The following SORCS3 variants were observed in gnomAD, a reference collection of about 807,000 sequenced individuals.
SORCS3 encodes the protein VPS10 domain-containing receptor SorCS3.
SORCS3 carries 57 observed loss-of-function variants against 146.3 expected under a neutral mutation model. That is an observed-to-expected ratio of 0.39 (90% CI 0.31 to 0.49). The LOEUF is 0.49. SORCS3 is among the 20% of genes least tolerant of loss of function. SORCS3 has a pLI of 0.92. For synonymous variants in SORCS3, 653 were observed against 618.5 expected, an observed-to-expected ratio of 1.06 and a Z score of -0.83; for missense variants, 1,341 against 1,575.5, an observed-to-expected ratio of 0.85 and a Z score of 2.52.
At chr10:105,174,861 G>A (rs543615037) in intron 13 of SORCS3, among the ~76,000 whole-genome samples, 3 of 152,198 alleles carry the variant, frequency 2.0e-5, no homozygotes, top group Non-Finnish European at 2.9e-5. Context: ...CTTGGAGGTC[G>A]TATCTCAATA....
At chr10:105,209,393 T>C (rs1013426721) in intron 16 of SORCS3, among the ~76,000 whole-genome samples, 6 of 152,188 alleles carry the variant, frequency 3.9e-5, no homozygotes, top group Non-Finnish European at 8.8e-5. Context: ...TCCACCCGTC[T>C]CGGCCTCCCA....
intron 1 of SORCS3, among the ~76,000 whole-genome samples, chr10:104,653,240 G>A (rs972554560): frequency 2.0e-4 from 31 of 152,122 alleles, no homozygotes; most frequent in Non-Finnish European, 4.0e-4. Flanking sequence ...CTGTTTTACC[G>A]TGTGTTTCTA....
intron 1 of SORCS3, among the ~76,000 whole-genome samples, chr10:104,816,763 G>A (rs2017802312): frequency 6.6e-6 from 1 of 152,188 alleles, no homozygotes; most frequent in African/African-American, 2.4e-5. Context: ...GCCTCTTTGA[G>A]CCTGAGCTTC....
chr10:104,927,135 G>A (rs1214739834), intron 3 of SORCS3, among the ~76,000 whole-genome samples: 1 of 152,148 alleles, frequency 6.6e-6, no homozygotes, highest in Non-Finnish European at 1.5e-5. Flanking sequence ...GCATCTAGGT[G>A]TGTATAAAAC....
intron 1 of SORCS3, among the ~76,000 whole-genome samples, chr10:104,757,187 C>T (rs979911137): frequency 1.3e-5 from 2 of 151,140 alleles, no homozygotes; most frequent in African/African-American, 4.9e-5. Flanking sequence ...CATCATGTGG[C>T]AGCACAACCC....
chr10:104,973,716 G>A (rs964993149), intron 3 of SORCS3, among the ~76,000 whole-genome samples: 4 of 149,756 alleles, frequency 2.7e-5, no homozygotes, highest in African/African-American at 5.1e-5. Context: ...TCTGATTTTA[G>A]TTATTTCTTG....
chr10:105,215,229 T>C (rs2056658063), intron 18 of SORCS3, among the ~76,000 whole-genome samples: 1 of 152,242 alleles, frequency 6.6e-6, no homozygotes, highest in Non-Finnish European at 1.5e-5. Context: ...AGTATGGGAA[T>C]ATCTCTGTTG....
At chr10:104,885,849 A>C (rs1375069477) in intron 2 of SORCS3, among the ~76,000 whole-genome samples, 1 of 152,230 alleles carries the variant, frequency 6.6e-6, no homozygotes, top group Non-Finnish European at 1.5e-5. Context: ...GAAGCTGAAT[A>C]GTTGAAACAG....
At chr10:104,917,743 G>T (rs1589548775) in intron 3 of SORCS3, among the ~76,000 whole-genome samples, 1 of 152,118 alleles carries the variant, frequency 6.6e-6, no homozygotes, top group African/African-American at 2.4e-5. Context: ...AATGGTATTT[G>T]TCTGTCTGTG....
At chr10:104,853,744 A>G (rs1437255233) in intron 2 of SORCS3, among the ~76,000 whole-genome samples, 1 of 152,242 alleles carries the variant, frequency 6.6e-6, no homozygotes, top group Non-Finnish European at 1.5e-5. Context: ...AGGGCGGCAC[A>G]TGGTTCTGGG....
At chr10:105,216,547 TA>T (rs951457519) in intron 18 of SORCS3, among the ~76,000 whole-genome samples, 6 of 151,972 alleles carry the variant, frequency 3.9e-5, no homozygotes, top group African/African-American at 1.2e-4. Flanking sequence ...TTGGCACTAA[TA>T]AAAAAAACCT....
intron 5 of SORCS3, among the ~76,000 whole-genome samples, chr10:105,052,514 G>T (rs1265459573): frequency 2.0e-5 from 3 of 152,088 alleles, no homozygotes; most frequent in African/African-American, 7.2e-5. Context: ...CTTTACTTTT[G>T]TCACAGTGGG....
At chr10:105,126,558 C>T (rs1277504059) in intron 7 of SORCS3, among the ~76,000 whole-genome samples, 3 of 152,138 alleles carry the variant, frequency 2.0e-5, no homozygotes, top group African/African-American at 7.2e-5. Flanking sequence ...AGATTACATA[C>T]AACACTGTGG....
At chr10:104,713,624 T>A (rs2016444385) in intron 1 of SORCS3, among the ~76,000 whole-genome samples, 1 of 152,228 alleles carries the variant, frequency 6.6e-6, no homozygotes, top group Non-Finnish European at 1.5e-5. Flanking sequence ...GAACCAACCT[T>A]GCATATCTGG....
intron 6 of SORCS3, among the ~76,000 whole-genome samples, chr10:105,103,550 G>A (rs1487328582): frequency 6.6e-6 from 1 of 152,168 alleles, no homozygotes; most frequent in Non-Finnish European, 1.5e-5. Flanking sequence ...ACAAGAAAGT[G>A]TCCCAGGCAA....
intron 6 of SORCS3, among the ~76,000 whole-genome samples, chr10:105,090,141 C>T (rs908800771): frequency 2.0e-5 from 3 of 152,178 alleles, no homozygotes; most frequent in Admixed American, 2.0e-4. Flanking sequence ...CATAACTCAT[C>T]ATGGTATTTT....
At chr10:104,884,008 G>A (rs1361321798) in intron 2 of SORCS3, among the ~76,000 whole-genome samples, 5 of 151,576 alleles carry the variant, frequency 3.3e-5, no homozygotes, top group African/African-American at 4.9e-5. Context: ...CCTATCTGTT[G>A]AGAACTGACC....
intron 9 of SORCS3, among the ~76,000 whole-genome samples, chr10:105,149,766 T>G (rs930922480): frequency 6.6e-6 from 1 of 152,256 alleles, no homozygotes; most frequent in Non-Finnish European, 1.5e-5. Flanking sequence ...TTTGCCACTA[T>G]GCTTCTCTTA....
chr10:105,242,310 T>A (rs1401560655), intron 20 of SORCS3, among the ~76,000 whole-genome samples: 17 of 132,796 alleles, frequency 1.3e-4, no homozygotes, highest in African/African-American at 4.6e-4. Context: ...ATACATATAT[T>A]TATATATATA....
Sources: allele counts gnomAD v4.1 joint callset (sites outside exome capture counted in the v4.1 genomes callset), GRCh38; gene constraint gnomAD v4.1.1; transcripts MANE v1.5; gene names NCBI Gene and HGNC (gene_info 2026-07-23, HGNC 2026-07-21).